TBC1D9: variants seen among roughly 807,000 people sequenced by gnomAD.
TBC1D9 encodes the protein TBC1 domain family member 9A.
TBC1D9 carries 63 observed loss-of-function variants against 132.0 expected under a neutral mutation model. The ratio of observed to expected loss-of-function variants is 0.48; its 90% CI spans 0.39 to 0.59. TBC1D9 has a LOEUF of 0.59. Among genes scored for constraint, TBC1D9 ranks in the 20% least tolerant of loss-of-function variants. The pLI, the probability that TBC1D9 is intolerant of heterozygous loss-of-function variation, is 0.00. For synonymous variants in TBC1D9, 610 were observed against 609.9 expected (o/e 1.00, Z 0.00); for missense variants, 1,261 against 1,592.7 (o/e 0.79, Z 3.54).
At chr4:140,636,507 G>A (rs544395763) in intron 15 of TBC1D9, among the ~76,000 whole-genome samples, 76 of 152,036 alleles carry the variant, frequency 5.0e-4, no homozygotes, top group African/African-American at 1.5e-3. Flanking sequence ...ATCCTCCTAC[G>A]TCAGCCTCTG....
intron 5 of TBC1D9, 75 bp from the exon 6 acceptor site, chr4:140,677,176 C>G: frequency 1.9e-6 from 3 of 1,552,000 alleles, no homozygotes; most frequent in Non-Finnish European, 1.7e-6. Context: ...GCGGAAGTTC[C>G]CCCAGCCCAT....
At chr4:140,672,812 CT>C (rs767314447) in intron 6 of TBC1D9, among the ~76,000 whole-genome samples, 11 of 152,134 alleles carry the variant, frequency 7.2e-5, no homozygotes, top group Non-Finnish European at 1.2e-4. Context: ...ATAAAAGAGA[CT>C]GCAACTTAAT....
chr4:140,750,377 T>A (rs1738906175), intron 1 of TBC1D9, among the ~76,000 whole-genome samples: 1 of 152,000 alleles, frequency 6.6e-6, no homozygotes. Flanking sequence ...ATGATATGGT[T>A]GTGTATGCAG....
chr4:140,713,935 T>A (rs1013607523), intron 1 of TBC1D9, among the ~76,000 whole-genome samples: 15 of 152,178 alleles, frequency 9.9e-5, no homozygotes. Context: ...AAGATCCTAC[T>A]ATAAGAGTTT....
chr4:140,643,193 C>T, intron 13 of TBC1D9: 2 of 1,418,594 alleles, frequency 1.4e-6, no homozygotes, highest in Middle Eastern at 2.0e-4. Context: ...CCAGTGAGGG[C>T]CGAGCCACCA....
intron 9 of TBC1D9, among the ~76,000 whole-genome samples, chr4:140,666,722 C>T (rs1048958030): frequency 7.0e-5 from 9 of 128,520 alleles, no homozygotes; most frequent in African/African-American, 2.9e-4. Flanking sequence ...TTGCACAATT[C>T]TGTGAATATA....
intron 1 of TBC1D9, among the ~76,000 whole-genome samples, chr4:140,735,260 C>A (rs2111072008): frequency 1.3e-5 from 2 of 152,216 alleles, no homozygotes; most frequent in South Asian, 2.1e-4. Context: ...CTCTGCATAA[C>A]CATTATGGGC....
At chr4:140,735,733 G>A (rs1738663683) in intron 1 of TBC1D9, among the ~76,000 whole-genome samples, 1 of 152,118 alleles carries the variant, frequency 6.6e-6, no homozygotes, top group Non-Finnish European at 1.5e-5. Flanking sequence ...AAAAATAAAA[G>A]TGTACATGTC....
intron 1 of TBC1D9, among the ~76,000 whole-genome samples, chr4:140,746,112 A>T (rs1738832515): frequency 6.6e-6 from 1 of 152,170 alleles, no homozygotes; most frequent in South Asian, 2.1e-4. Flanking sequence ...ATGTTCTCAA[A>T]TCTCCCGAAT....
In TBC1D9 at chr4:140,627,623, A is replaced by T. The variant is rs1256850292; in HGVS notation, c.2813-96T>A. On this transcript the variant is annotated intron_variant, in intron 17 of 20. Transcript: ENST00000442267. ...AAATAAAATGACATAAGTGGGGATG[A>T]AAAGCTAAAGTTACAAAGGTGGGAT... 4.7e-6 allele frequency: 4 copies of T among 842,172 alleles called. No individual in the cohort carries two copies. The East Asian group carries it at 1.1e-4, about 23-fold the overall frequency. The allele number at this position is 842,172 out of a possible 1,614,324, so 52.2% of individuals were successfully genotyped here.
intron 3 of TBC1D9, among the ~76,000 whole-genome samples, chr4:140,685,022 T>C (rs1737759208): frequency 6.6e-6 from 1 of 152,106 alleles, no homozygotes; most frequent in Non-Finnish European, 1.5e-5. Context: ...GGGAAGACTC[T>C]TGCTTATAGT....
Position 140,670,729 on chromosome 4 carries a change from T to G in TBC1D9, c.1257A>C (p.Ser419=). 1 of 1,613,664 alleles carries G rather than the reference T, an allele frequency of 6.2e-7. No homozygotes were observed. The highest frequency in any genetic ancestry group is 8.5e-7 in the Non-Finnish European group (1 of 1,179,870). Residue 419 remains serine (S), a synonymous_variant, in exon 7 of 21, where the codon TCA becomes TCC. Coordinates refer to ENST00000442267, the MANE Select transcript of TBC1D9 (RefSeq NM_015130.3). ...DKEFAGSYNS[S]DDEVYSRPSS... is the part of the protein sequence containing the mutation. ...GGTGTCTCCCACAGACCTCATCATCTGAACTGTTGTAACTTCCTGCAAACT... is the reference window on the plus strand; with the variant it reads ...GGTGTCTCCCACAGACCTCATCATCGGAACTGTTGTAACTTCCTGCAAACT...
intron 1 of TBC1D9, among the ~76,000 whole-genome samples, chr4:140,720,399 A>C (rs1477575976): frequency 6.6e-6 from 1 of 152,254 alleles, no homozygotes; most frequent in African/African-American, 2.4e-5. Flanking sequence ...GAAACTTCTT[A>C]TGAGGAAGAG....
Position 140,622,493 on chromosome 4 carries a change from A to C in TBC1D9, c.3503T>G (p.Leu1168Arg). ...GTCCTCCTCGTGGGAGCCGGCACTC[A>C]GCACCGAGTATGAGGACATGGAGCT... ...DDSSMSSYSVLSAGSHEEDKL... is the reference protein window; with the variant it reads ...DDSSMSSYSVRSAGSHEEDKL... The change falls in exon 21 of 21, where the codon CTG (leucine) becomes CGG (arginine). Residue 1168 changes from leucine (L) to arginine (R), a missense_variant. Physicochemically the swap from Leu to Arg is moderately radical, Grantham distance 102. Around this residue, in one of 3 missense-constraint regions of TBC1D9, gnomAD observed 618 missense variants for 724.4 expected, o/e 0.85. Coordinates refer to ENST00000442267, the MANE Select transcript of TBC1D9 (RefSeq NM_015130.3). The C allele has an allele frequency of 6.2e-7, 1 of 1,614,056 alleles. No homozygotes were observed. The highest frequency in any genetic ancestry group is 8.5e-7 in the Non-Finnish European group (1 of 1,179,894).
chr4:140,728,079 C>T (rs1738527879), intron 1 of TBC1D9, among the ~76,000 whole-genome samples: 1 of 152,150 alleles, frequency 6.6e-6, no homozygotes, highest in East Asian at 1.9e-4. Context: ...AGGAAGGACA[C>T]ATTTATTTTT....
At chr4:140,653,000 C>T (rs1737210343) in intron 13 of TBC1D9, among the ~76,000 whole-genome samples, 1 of 152,180 alleles carries the variant, frequency 6.6e-6, no homozygotes, top group African/African-American at 2.4e-5. Context: ...GGAGGGGCAT[C>T]TCAGTCTATG....
In TBC1D9 at chr4:140,634,108, T is replaced by C. The variant is rs1440905881; in HGVS notation, c.2586A>G (p.Glu862=). The C allele has an allele frequency of 4.3e-6, 7 of 1,614,006 alleles. No individual in the cohort carries two copies. In the South Asian group the frequency reaches 5.5e-5, roughly 13 times the overall value. The change falls in exon 16 of 21, where the codon GAA becomes GAG. Residue 862 remains glutamate, a synonymous_variant. Transcript: ENST00000442267. ...ACTGCTCGAAGTCAATGCGATACTG[T>C]TCCAGGTAGGGCAGGCTGGGGTCAT... ...DRHDPSLPYL[E]QYRIDFEQFK...
At chr4:140,734,047 C>G (rs1479134919) in intron 1 of TBC1D9, among the ~76,000 whole-genome samples, 2 of 152,212 alleles carry the variant, frequency 1.3e-5, no homozygotes, top group South Asian at 4.1e-4. Context: ...ATGCTATTAC[C>G]GAGCTGATGG....
chr4:140,742,361 G>A (rs1426604125), intron 1 of TBC1D9, among the ~76,000 whole-genome samples: 10 of 151,602 alleles, frequency 6.6e-5, no homozygotes, highest in South Asian at 2.1e-4. Context: ...GTGAAACCCC[G>A]TCTCTACTAA....
Sources: gnomAD v4.1 joint callset for allele counts (sites outside exome capture counted in the v4.1 genomes callset) on GRCh38, gnomAD v4.1.1 for gene constraint, gnomAD v4.1.1 regional missense constraint, MANE v1.5 for transcripts, NCBI Gene and HGNC (gene_info 2026-07-23, HGNC 2026-07-21) for gene names.